Variants in SRGAP3 observed in about 807,000 individuals in gnomAD.
SRGAP3 encodes SLIT-ROBO Rho GTPase activating protein 3.
SRGAP3 carries 39 observed loss-of-function variants against 121.1 expected under a neutral mutation model. The ratio of observed to expected loss-of-function variants is 0.32; its 90% CI spans 0.25 to 0.42. The LOEUF (loss-of-function observed/expected upper bound fraction) is 0.42, where lower values mean the gene tolerates loss of function less well. Ranked by LOEUF, SRGAP3 falls within the 10% of genes least tolerant of loss-of-function variation. SRGAP3 has a pLI of 1.00. For synonymous variants in SRGAP3, 601 were observed against 570.0 expected, an observed-to-expected ratio of 1.05 and a Z score of -0.77; for missense variants, 1,213 against 1,470.6, an observed-to-expected ratio of 0.82 and a Z score of 2.86.
At chr3:9,174,671 C>T (rs1299980665) in intron 1 of SRGAP3, among the ~76,000 whole-genome samples, 1 of 152,242 alleles carries the variant, frequency 6.6e-6, no homozygotes, top group East Asian at 1.9e-4. Context: ...CCAGCCTCGC[C>T]TGACCTTGCC....
At chr3:9,118,211 G>C (rs1177841991) in intron 2 of SRGAP3, among the ~76,000 whole-genome samples, 1 of 152,014 alleles carries the variant, frequency 6.6e-6, no homozygotes, top group Non-Finnish European at 1.5e-5. Context: ...AAGTCAACAG[G>C]CTTAATTATT....
intron 3 of SRGAP3, among the ~76,000 whole-genome samples, chr3:9,322,166 G>A (rs1009166760): frequency 5.9e-5 from 9 of 151,560 alleles, no homozygotes; most frequent in African/African-American, 9.7e-5. Flanking sequence ...CTGTAAAATC[G>A]TAGATTGTGG....
At chr3:9,079,338 G>A (rs1476729515) in intron 4 of SRGAP3, among the ~76,000 whole-genome samples, 2 of 152,114 alleles carry the variant, frequency 1.3e-5, no homozygotes, top group African/African-American at 2.4e-5. Flanking sequence ...TCCTCTTGAG[G>A]AAGCCGTAGG....
chr3:9,283,147 C>T (rs1295645892), intron 3 of SRGAP3, among the ~76,000 whole-genome samples: 2 of 151,654 alleles, frequency 1.3e-5, no homozygotes, highest in East Asian at 3.9e-4. Flanking sequence ...CTCCATGTTG[C>T]CCAGGCTGGT....
rs1463190452 is a variant in SRGAP3 at position 9,113,808 on chromosome 3, G to T, written c.261-8966C>A. Among the ~76,000 whole-genome samples, 3 of 152,160 alleles carry T rather than the reference G, an allele frequency of 2.0e-5. No homozygotes were observed. In the East Asian group the frequency reaches 5.8e-4, roughly 29 times the overall value. On this transcript the variant is annotated intron_variant, in intron 2 of 21. Coordinates refer to ENST00000383836, the MANE Select transcript of SRGAP3 (RefSeq NM_014850.4). ...CTGGGCACTCTTTCTCTCCCCTGCTGCCCTGTGAAGAGGTGCCTCCCATCA... is the reference window on the plus strand; with the variant it reads ...CTGGGCACTCTTTCTCTCCCCTGCTTCCCTGTGAAGAGGTGCCTCCCATCA...
intron 1 of SRGAP3, among the ~76,000 whole-genome samples, chr3:9,174,895 G>A (rs895388302): frequency 1.3e-5 from 2 of 152,190 alleles, no homozygotes; most frequent in South Asian, 4.1e-4. Flanking sequence ...TCATGGGAGT[G>A]ACTGAGGCCC....
chr3:9,054,258 C>T (rs1389432193), intron 8 of SRGAP3, among the ~76,000 whole-genome samples: 1 of 152,210 alleles, frequency 6.6e-6, no homozygotes. Flanking sequence ...ATACCCTCCT[C>T]CTTTTTGGAA....
chr3:9,183,830 T>G (rs2125126132), intron 1 of SRGAP3, among the ~76,000 whole-genome samples: 1 of 151,664 alleles, frequency 6.6e-6, no homozygotes. Context: ...CTTCTCAGTC[T>G]CCCTAGCCTT....
At chr3:8,992,710 C>T (rs1942131788) in intron 20 of SRGAP3, 196 bp downstream of exon 20, 2 of 805,056 alleles carry the variant, frequency 2.5e-6, no homozygotes, top group Admixed American at 4.2e-5. Flanking sequence ...CTCCTCCCTG[C>T]AACACAGGCT....
At chr3:9,200,757 T>G (rs1952044018) in intron 1 of SRGAP3, among the ~76,000 whole-genome samples, 1 of 152,164 alleles carries the variant, frequency 6.6e-6, no homozygotes, top group South Asian at 2.1e-4. Context: ...CAATATTACC[T>G]GGGGTGCTTG....
chr3:9,245,307 C>T (rs930882288), intron 1 of SRGAP3, among the ~76,000 whole-genome samples: 2 of 152,194 alleles, frequency 1.3e-5, no homozygotes, highest in Admixed American at 1.3e-4. Flanking sequence ...CTTCTACTGC[C>T]TGCACTGAGG....
intron 3 of SRGAP3, among the ~76,000 whole-genome samples, chr3:9,321,045 T>A (rs996126618): frequency 1.3e-5 from 2 of 149,990 alleles, no homozygotes; most frequent in African/African-American, 5.1e-5. Context: ...AATGCTTTGT[T>A]ACTTCTACTT....
At chr3:9,008,883 A>G (rs1943218797) in intron 18 of SRGAP3, among the ~76,000 whole-genome samples, 1 of 152,176 alleles carries the variant, frequency 6.6e-6, no homozygotes, top group Non-Finnish European at 1.5e-5. Flanking sequence ...TGGAACCATT[A>G]TAGAAAGGAA....
At chr3:9,038,751 T>C (rs2125112590) in intron 10 of SRGAP3, among the ~76,000 whole-genome samples, 1 of 152,306 alleles carries the variant, frequency 6.6e-6, no homozygotes, top group South Asian at 2.1e-4. Flanking sequence ...CCAGACCTTC[T>C]CCTTATGCCC....
intron 3 of SRGAP3, among the ~76,000 whole-genome samples, chr3:9,288,491 G>A (rs1236856883): frequency 6.6e-6 from 1 of 151,436 alleles, no homozygotes; most frequent in Non-Finnish European, 1.5e-5. Flanking sequence ...TCTCCCCTAG[G>A]TTACTAATTC....
chr3:9,204,278 C>T (rs1346656736), intron 1 of SRGAP3, among the ~76,000 whole-genome samples: 1 of 152,230 alleles, frequency 6.6e-6, no homozygotes, highest in East Asian at 1.9e-4. Flanking sequence ...GAAGTGACAG[C>T]CTCAGGGCCT....
chr3:9,199,283 C>T (rs1221226141), intron 1 of SRGAP3, among the ~76,000 whole-genome samples: 1 of 152,234 alleles, frequency 6.6e-6, no homozygotes, highest in Non-Finnish European at 1.5e-5. Context: ...GTTCTTCTCA[C>T]TTCATCAGCA....
intron 2 of SRGAP3, among the ~76,000 whole-genome samples, chr3:9,121,491 G>A (rs887641931): frequency 3.9e-5 from 6 of 152,178 alleles, no homozygotes; most frequent in African/African-American, 9.6e-5. Context: ...TTCCAGAAGC[G>A]GAGACGGCTC....
intron 2 of SRGAP3, among the ~76,000 whole-genome samples, chr3:9,328,525 T>C (rs573757819): frequency 6.6e-6 from 1 of 152,230 alleles, no homozygotes; most frequent in African/African-American, 2.4e-5. Context: ...TTAAAACTTC[T>C]TATTATCCAA....
Sources: allele counts gnomAD v4.1 joint callset (sites outside exome capture counted in the v4.1 genomes callset), GRCh38; gene constraint gnomAD v4.1.1; transcripts MANE v1.5; gene names NCBI Gene and HGNC (gene_info 2026-07-23, HGNC 2026-07-21).